NFXL1: variants seen among roughly 807,000 people sequenced by gnomAD.
The protein encoded by NFXL1 is nuclear transcription factor, X-box binding like 1.
In NFXL1, 66 loss-of-function variants were observed where a neutral mutation model predicts 123.3. The observed-to-expected ratio is 0.54, with a 90% CI of 0.44 to 0.66. NFXL1 has a LOEUF of 0.66. NFXL1 is among the 30% of genes least tolerant of loss of function. The probability of loss-of-function intolerance (pLI) is 0.00; values close to 1 mark genes in which losing one functional copy is unlikely to be tolerated. For synonymous variants in NFXL1, 346 were observed against 360.8 expected (o/e 0.96, Z 0.46); for missense variants, 944 against 1,125.6 (o/e 0.84, Z 2.31).
chr4:47,912,461 CTTTTT>C (rs11344755), intron 2 of NFXL1, among the ~76,000 whole-genome samples: 4 of 117,870 alleles, frequency 3.4e-5, no homozygotes, highest in Non-Finnish European at 7.1e-5. Flanking sequence ...TCTTTTCTTT[CTTTTT>C]TTTTTTTTTT....
In NFXL1 at chr4:47,885,480, A is replaced by G. The variant is rs748237040; in HGVS notation, c.1824+18T>C. On this transcript the variant is annotated intron_variant, in intron 14 of 22. Coordinates refer to ENST00000507489, the MANE Select transcript of NFXL1 (RefSeq NM_001278624.2). ...CCCACAGCAATGCACTATTTCTCTA[A>G]TAGTATTATTCCCTTACCCTGCCAG... is the stretch of plus-strand genomic sequence containing the variant. 9.6e-5 allele frequency: 152 copies of G among 1,589,118 alleles called. No individual in the cohort carries two copies. Among genetic ancestry groups the G allele is most frequent in the Non-Finnish European group, 1.2e-4 (137 of 1,161,288 alleles).
chr4:47,892,289 G>T (rs1339644378), intron 11 of NFXL1, among the ~76,000 whole-genome samples: 1 of 152,210 alleles, frequency 6.6e-6, no homozygotes, highest in Non-Finnish European at 1.5e-5. Flanking sequence ...CAAGGAGGAA[G>T]ATCATAAGCA....
rs1304373449 is a variant in NFXL1 at position 47,884,386 on chromosome 4, T to C, written c.1876A>G (p.Thr626Ala). ...TGACATGGAGGACACGGTAATGCAG[T>C]CTGAATAAATGCTGGCTCAGAAGGC... is the stretch of plus-strand genomic sequence containing the variant. ...EQPSEPAFIQ[T>A]ALPCPPCQVP... The change falls in exon 15 of 23, where the codon ACT (threonine) becomes GCT (alanine). Residue 626 changes from threonine (T) to alanine (A), a missense_variant. Physicochemically the swap from Thr to Ala is moderately conservative, Grantham distance 58. Coordinates refer to ENST00000507489, the MANE Select transcript of NFXL1 (RefSeq NM_001278624.2). The C allele has an allele frequency of 7.5e-6, 12 of 1,610,668 alleles. No individual in the cohort carries two copies. In the Admixed American group the frequency reaches 1.2e-4, roughly 16 times the overall value.
At position 47,882,843 on chromosome 4, in the gene NFXL1, C is replaced by T. The variant is rs376218755; in HGVS notation, c.1916+1503G>A. Among the ~76,000 whole-genome samples the T allele has an allele frequency of 5.9e-5, 9 of 152,252 alleles. No homozygotes were observed. In the East Asian group the frequency reaches 1.5e-3, roughly 26 times the overall value. On this transcript the variant is annotated intron_variant, in intron 15 of 22. Transcript: ENST00000507489. ...AGGACTCCTTAAGACTTTTCACACA[C>T]AAGATCATGTCATCTGAAAATACAA...
intron 19 of NFXL1, among the ~76,000 whole-genome samples, chr4:47,859,610 A>G (rs1309672134): frequency 6.6e-6 from 1 of 152,222 alleles, no homozygotes; most frequent in East Asian, 1.9e-4. Context: ...TGGGAGGCCA[A>G]TGTGGGCAAA....
intron 5 of NFXL1, among the ~76,000 whole-genome samples, chr4:47,900,608 G>C (rs1000377198): frequency 6.6e-6 from 1 of 152,204 alleles, no homozygotes; most frequent in Non-Finnish European, 1.5e-5. Flanking sequence ...AGTGTTGGCA[G>C]TAGAAGTGTT....
chr4:47,903,223 T>C lies in NFXL1; in HGVS notation c.617A>G (p.Asp206Gly). The C allele has an allele frequency of 6.3e-7, 1 of 1,595,808 alleles. No individual in the cohort carries two copies. The highest frequency in any genetic ancestry group is 1.7e-4 in the Middle Eastern group (1 of 6,016). Residue 206 changes from aspartate (D) to glycine (G), a missense_variant, in exon 5 of 23, where the codon GAT becomes GGT. Asp to Gly is a moderately conservative substitution (Grantham distance 94). Transcript: ENST00000507489. Reference sequence around the variant, plus strand: ...CCAGGGACAATCTTTCTTTCCAAAATCATCATCAGTCACAGAAGATACAAG... The same window carrying C: ...CCAGGGACAATCTTTCTTTCCAAAACCATCATCAGTCACAGAAGATACAAG... ...QFLVSSVTDDDFGKKDCPWPC... is the reference protein window; with the variant it reads ...QFLVSSVTDDGFGKKDCPWPC...
Position 47,851,160 on chromosome 4 carries a change from C to A in NFXL1, c.2509-12G>T. ...TCTGCTTCTTTTATCTGTTTATACA[C>A]ATACAAAAGTCAATTTACAATTTAG... On this transcript the variant is annotated splice_polypyrimidine_tract_variant and intron_variant, in intron 21 of 22. Coordinates refer to ENST00000507489, the MANE Select transcript of NFXL1 (RefSeq NM_001278624.2). The A allele has an allele frequency of 6.3e-7, 1 of 1,596,178 alleles. No individual in the cohort carries two copies. The highest frequency in any genetic ancestry group is 8.6e-7 in the Non-Finnish European group (1 of 1,164,720).
At chr4:47,888,052 G>A (rs1278980163) in intron 12 of NFXL1, among the ~76,000 whole-genome samples, 1 of 152,132 alleles carries the variant, frequency 6.6e-6, no homozygotes, top group Non-Finnish European at 1.5e-5. Flanking sequence ...GAAGCAGGCA[G>A]ATCACGAGGT....
In NFXL1 at chr4:47,881,047, T is replaced by G. The variant is rs562920350; in HGVS notation, c.1917-1930A>C. On this transcript the variant is annotated intron_variant, in intron 15 of 22. Transcript: ENST00000507489. Reference sequence around the variant, plus strand: ...CTGGGGTTTTATAGTTATCTTACAGTGCTATAAAACTACTGTTATCTATTG... The same window carrying G: ...CTGGGGTTTTATAGTTATCTTACAGGGCTATAAAACTACTGTTATCTATTG... Among the ~76,000 whole-genome samples, 4 of 152,098 alleles carry G rather than the reference T, an allele frequency of 2.6e-5. No individual in the cohort carries two copies. The East Asian group carries it at 7.7e-4, about 29-fold the overall frequency.
At chr4:47,897,775 T>A (rs6447593) in intron 9 of NFXL1, among the ~76,000 whole-genome samples, 192 bp downstream of exon 9, 111,607 of 151,974 alleles carry the variant, frequency 0.73, 41,227 homozygotes, top group South Asian at 0.76. Flanking sequence ...AACCCCTGGA[T>A]GCCATTGATC....
chr4:47,896,534 T>C lies in NFXL1; in HGVS notation c.1318A>G (p.Thr440Ala), dbSNP rs753747873. 8 of 1,613,072 alleles carry C rather than the reference T, an allele frequency of 5.0e-6. No individual in the cohort carries two copies. The highest frequency in any genetic ancestry group is 6.8e-6 in the Non-Finnish European group (8 of 1,179,126). ...SQRCHRGPCE[T>A]CRQEVEKHCR... ...AGGAGATGACTAACTTGTCTACATGTTTCACAGGGACCTCGGTGACAACGC... is the reference window on the plus strand; with the variant it reads ...AGGAGATGACTAACTTGTCTACATGCTTCACAGGGACCTCGGTGACAACGC... Residue 440 changes from threonine (T) to alanine (A), a missense_variant, in exon 10 of 23, where the codon ACA (threonine) becomes GCA (alanine). Around this residue, in one of 4 missense-constraint regions of NFXL1, gnomAD observed 296 missense variants for 395.1 expected, o/e 0.75. Coordinates refer to ENST00000507489, the MANE Select transcript of NFXL1 (RefSeq NM_001278624.2).
In NFXL1 at chr4:47,848,476, C is replaced by T; in HGVS notation, c.2563-140G>A. 3 of 609,190 alleles carry T rather than the reference C, an allele frequency of 4.9e-6. No individual in the cohort carries two copies. The East Asian group carries it at 8.5e-5, about 17-fold the overall frequency. 37.7% of individuals were successfully genotyped at this position (609,190 alleles called of 1,614,324 possible). ...TATATTGATTTGATTTTTTAAAACA[C>T]TACTCTCCACTACTGATTGTATTCA... On this transcript the variant is annotated intron_variant, in intron 22 of 22. Coordinates refer to ENST00000507489, the MANE Select transcript of NFXL1 (RefSeq NM_001278624.2).
intron 11 of NFXL1, among the ~76,000 whole-genome samples, chr4:47,893,200 T>C (rs1371237842): frequency 6.6e-6 from 1 of 151,878 alleles, no homozygotes; most frequent in Non-Finnish European, 1.5e-5. Flanking sequence ...ATCAGTGAAC[T>C]TGGAAATTCA....
intron 19 of NFXL1, among the ~76,000 whole-genome samples, chr4:47,856,941 G>C (rs1734447594): frequency 6.6e-6 from 1 of 152,036 alleles, no homozygotes; most frequent in African/African-American, 2.4e-5. Context: ...AGTGCCTTTA[G>C]CCAGACTTCA....
chr4:47,852,555 C>CT (rs1734182658), intron 20 of NFXL1, among the ~76,000 whole-genome samples: 2 of 152,038 alleles, frequency 1.3e-5, no homozygotes, highest in African/African-American at 4.8e-5. Context: ...GACTGTTAAA[C>CT]TTTTTTTAAG....
chr4:47,905,180 A>C, intron 4 of NFXL1, 57 bp downstream of exon 4: 1 of 683,480 alleles, frequency 1.5e-6, no homozygotes, highest in Non-Finnish European at 2.6e-6. Flanking sequence ...AAGTATTGTA[A>C]GGCAAACTAA....
At chr4:47,901,091 G>A (rs1444914316) in intron 5 of NFXL1, among the ~76,000 whole-genome samples, 3 of 152,122 alleles carry the variant, frequency 2.0e-5, no homozygotes, top group Non-Finnish European at 2.9e-5. Flanking sequence ...ATGTGCAAAC[G>A]CATGAGTTTT....
In NFXL1 at chr4:47,858,764, G is replaced by A. The variant is rs372793304; in HGVS notation, c.2317-3601C>T. Among the ~76,000 whole-genome samples the A allele has an allele frequency of 7.2e-5, 11 of 152,182 alleles. No homozygotes were observed. The East Asian group carries it at 1.9e-3, about 27-fold the overall frequency. On this transcript the variant is annotated intron_variant, in intron 19 of 22. Transcript: ENST00000507489. ...GAGGATGGGAACTACAGTCAGACAG[G>A]GACCTTGGTAAACTTCTGGTATGCC...
Sources: gnomAD v4.1 joint callset for allele counts (sites outside exome capture counted in the v4.1 genomes callset) on GRCh38, gnomAD v4.1.1 for gene constraint, gnomAD v4.1.1 regional missense constraint, MANE v1.5 for transcripts, NCBI Gene and HGNC (gene_info 2026-07-23, HGNC 2026-07-21) for gene names.